PDCD6IP: variants seen among roughly 807,000 people sequenced by gnomAD.
PDCD6IP encodes the protein programmed cell death 6 interacting protein.
PDCD6IP carries 43 observed loss-of-function variants against 103.7 expected under a neutral mutation model. The observed-to-expected ratio is 0.41, with a 90% CI of 0.32 to 0.53. PDCD6IP has a LOEUF of 0.53. Among genes scored for constraint, PDCD6IP ranks in the 20% least tolerant of loss-of-function variants. The pLI, the probability that PDCD6IP is intolerant of heterozygous loss-of-function variation, is 0.16. For synonymous variants in PDCD6IP, 354 were observed against 378.7 expected, an observed-to-expected ratio of 0.93 and a Z score of 0.76; for missense variants, 871 against 1,036.7, an observed-to-expected ratio of 0.84 and a Z score of 2.20.
intron 3 of PDCD6IP, among the ~76,000 whole-genome samples, chr3:33,818,826 C>A (rs1441370873): frequency 6.6e-6 from 1 of 151,874 alleles, no homozygotes; most frequent in African/African-American, 2.4e-5. Flanking sequence ...CAATCCCTTG[C>A]CTTTTAGTAT....
intron 3 of PDCD6IP, among the ~76,000 whole-genome samples, chr3:33,817,119 T>C (rs1430370089): frequency 1.3e-5 from 2 of 152,220 alleles, no homozygotes; most frequent in African/African-American, 4.8e-5. Context: ...GTTATATCAA[T>C]GGAATATTGA....
At chr3:33,811,856 AT>A (rs1003168084) in intron 1 of PDCD6IP, among the ~76,000 whole-genome samples, 1 of 152,096 alleles carries the variant, frequency 6.6e-6, no homozygotes, top group African/African-American at 2.4e-5. Flanking sequence ...GTTGATAAAT[AT>A]TTTTCTGTGG....
intron 14 of PDCD6IP, 127 bp from the exon 15 acceptor site, chr3:33,855,039 A>C: frequency 1.7e-6 from 1 of 576,720 alleles, no homozygotes; most frequent in Non-Finnish European, 3.2e-6. Flanking sequence ...AAATTGTATA[A>C]ATGTATCTCA....
chr3:33,838,197 A>T lies in PDCD6IP; in HGVS notation c.1058-7A>T. ...AATTTTGTTGTAATTTCTCTTCCTA[A>T]TTTTAGATCTGTTTGAGAAGATGGT... On this transcript the variant is annotated splice_region_variant and splice_polypyrimidine_tract_variant and intron_variant, in intron 8 of 17. Coordinates refer to ENST00000307296, the MANE Select transcript of PDCD6IP (RefSeq NM_013374.6). The T allele has an allele frequency of 4.3e-6, 7 of 1,610,944 alleles. No homozygotes were observed. The highest frequency in any genetic ancestry group is 5.9e-6 in the Non-Finnish European group (7 of 1,179,056).
chr3:33,832,339 A>G (rs188839393), intron 7 of PDCD6IP, among the ~76,000 whole-genome samples: 8 of 152,294 alleles, frequency 5.3e-5, no homozygotes, highest in Admixed American at 5.2e-4. Context: ...CAAAGGTCCC[A>G]TGTTCAAATA....
chr3:33,840,237 A>G (rs1390887091), intron 9 of PDCD6IP, among the ~76,000 whole-genome samples: 1 of 152,236 alleles, frequency 6.6e-6, no homozygotes, highest in African/African-American at 2.4e-5. Context: ...TAAGAAAATC[A>G]TAAGGAAGAG....
chr3:33,836,008 C>G, intron 7 of PDCD6IP, 36 bp from the exon 8 acceptor site: 1 of 926,932 alleles, frequency 1.1e-6, no homozygotes, highest in African/African-American at 1.7e-5. Flanking sequence ...TCACCTCCCT[C>G]TTTTTTTTTT....
At chr3:33,825,403 A>G (rs1697098085) in intron 5 of PDCD6IP, 63 bp downstream of exon 5, 2 of 1,368,254 alleles carry the variant, frequency 1.5e-6, no homozygotes, top group Non-Finnish European at 2.0e-6. Context: ...AAATTAAGAA[A>G]GTGATTAGAA....
chr3:33,846,096 G>T (rs949284795), intron 12 of PDCD6IP, among the ~76,000 whole-genome samples: 12 of 152,242 alleles, frequency 7.9e-5, no homozygotes, highest in Middle Eastern at 3.4e-3. Context: ...CATCTGATTT[G>T]GAAAGTCCTA....
chr3:33,837,636 T>TGTGGTGCA (rs1697379617), intron 8 of PDCD6IP, among the ~76,000 whole-genome samples: 2 of 151,878 alleles, frequency 1.3e-5, no homozygotes, highest in African/African-American at 2.4e-5. Flanking sequence ...TTGCCCAGGC[T>TGTGGTGCA]GTGGTGCAGT....
chr3:33,812,063 A>G lies in PDCD6IP; in HGVS notation c.210-9A>G, dbSNP rs947478502. On this transcript the variant is annotated splice_polypyrimidine_tract_variant and intron_variant, in intron 1 of 17. Transcript: ENST00000307296. Reference sequence around the variant, plus strand: ...CTCTGGTAATTATTAATTCTGCTCTATTTTTTAGATATTATGATCAGATTT... The same window carrying G: ...CTCTGGTAATTATTAATTCTGCTCTGTTTTTTAGATATTATGATCAGATTT... 1.6e-5 allele frequency: 25 copies of G among 1,588,680 alleles called. No individual in the cohort carries two copies. The highest frequency in any genetic ancestry group is 1.3e-4 in the South Asian group (11 of 86,066).
intron 1 of PDCD6IP, among the ~76,000 whole-genome samples, chr3:33,811,390 G>C (rs1485506040): frequency 6.6e-6 from 1 of 152,180 alleles, no homozygotes; most frequent in Non-Finnish European, 1.5e-5. Context: ...AAGGGGTGGG[G>C]GAAGTATAAG....
At position 33,816,522 on chromosome 3, in the gene PDCD6IP, A is replaced by G. The variant is rs1016450306; in HGVS notation, c.334+2894A>G. 3.6e-4 allele frequency among the ~76,000 whole-genome samples: 55 copies of G among 151,464 alleles called. No individual in the cohort carries two copies. The East Asian group carries it at 8.7e-3, about 24-fold the overall frequency. ...TCTGTCTAAAAAAAAAAAAAAAAAA[A>G]AAAAAAGAAAATATCTCCAGGTGAT... On this transcript the variant is annotated intron_variant, in intron 3 of 17. Transcript: ENST00000307296.
At chr3:33,836,317 C>G (rs974735471) in intron 8 of PDCD6IP, 51 bp downstream of exon 8, 1 of 1,023,440 alleles carries the variant, frequency 9.8e-7, no homozygotes, top group Non-Finnish European at 1.5e-6. Flanking sequence ...CTAGTTTACT[C>G]TGTTTTTCCT....
chr3:33,836,002 C>A (rs1697338053), intron 7 of PDCD6IP, 42 bp from the exon 8 acceptor site: 3 of 1,066,178 alleles, frequency 2.8e-6, no homozygotes, highest in Admixed American at 2.1e-5. Context: ...ATAAAATCAC[C>A]TCCCTCTTTT....
chr3:33,807,306 G>A (rs9853642), intron 1 of PDCD6IP, among the ~76,000 whole-genome samples: 44,725 of 152,060 alleles, frequency 0.29, 6,830 homozygotes, highest in East Asian at 0.41. Context: ...TGTATGGCCT[G>A]TGAGCACCAC....
rs555965622 is a variant in PDCD6IP at position 33,857,628 on chromosome 3, GA to G, written c.2120+2369del. The stretch of plus-strand genomic sequence containing the variant: ...TTAAAAAATAATTATTGACCAAGGG[GA>G]GGGGGGCATTTATTCCAGTTTCAGT... On this transcript the variant is annotated intron_variant, in intron 15 of 17. Transcript: ENST00000307296. Among the ~76,000 whole-genome samples, 506 of 152,310 alleles carry G rather than the reference GA, an allele frequency of 3.3e-3. 2 individuals carry two copies. Among genetic ancestry groups the G allele is most frequent in the African/African-American group, 0.011 (456 of 41,570 alleles).
In PDCD6IP at chr3:33,825,293, T is replaced by G; in HGVS notation, c.569T>G (p.Ile190Ser). ...SPDTVGTLSL[I>S]MLAQAQEVFF... The stretch of plus-strand genomic sequence containing the variant: ...GATACTGTTGGGACCCTCAGTCTTA[T>G]TATGCTGGCACAGGCTCAAGAAGTA... Residue 190 changes from isoleucine (I) to serine (S), a missense_variant, in exon 5 of 18, where the codon ATT becomes AGT. Transcript: ENST00000307296. 2 of 1,613,390 alleles carry G rather than the reference T, an allele frequency of 1.2e-6. No homozygotes were observed. Among genetic ancestry groups the G allele is most frequent in the Non-Finnish European group, 1.7e-6 (2 of 1,179,804 alleles).
At chr3:33,838,405 C>T in intron 9 of PDCD6IP, 78 bp downstream of exon 9, 2 of 1,280,832 alleles carry the variant, frequency 1.6e-6, no homozygotes, top group South Asian at 2.6e-5. Context: ...AGTTTCTGAG[C>T]TTAGAGCTAA....
Sources: allele counts gnomAD v4.1 joint callset (sites outside exome capture counted in the v4.1 genomes callset), GRCh38; gene constraint gnomAD v4.1.1; transcripts MANE v1.5; gene names NCBI Gene and HGNC (gene_info 2026-07-23, HGNC 2026-07-21).